Variants in PPP1R3C observed in about 807,000 individuals in gnomAD.
PPP1R3C encodes the protein PP1 subunit R5.
In PPP1R3C, 20 loss-of-function variants were observed where a neutral mutation model predicts 29.3. The observed-to-expected ratio is 0.68, with a 90% CI of 0.48 to 0.99. PPP1R3C has a LOEUF of 0.99. PPP1R3C is among the 50% of genes least tolerant of loss of function. PPP1R3C has a pLI of 0.00. For missense variants in PPP1R3C, 321 were observed against 386.0 expected (o/e 0.83, Z 1.41); for synonymous variants, 123 against 143.1 (o/e 0.86, Z 1.00).
rs1380567467 is a variant in PPP1R3C, at chr10:91,630,188, T to G, written c.693A>C (p.Lys231Asn). ...CATGGTAAGAAATGCAGAACTCAAT[T>G]TTCTGCTCAGTTGGAATGACAGGGG... ...DLPPVIPTEQ[K>N]IEFCISYHAN... Residue 231 changes from lysine to asparagine, a missense_variant, in exon 2 of 2, where the codon AAA becomes AAC. Transcript: ENST00000238994. The surrounding 1 kb of genome is among the most constrained non-coding windows in gnomAD (Gnocchi z 4.4). The G allele has an allele frequency of 6.2e-7, 1 of 1,614,224 alleles. No homozygotes were observed. The highest frequency in any genetic ancestry group is 8.5e-7 in the Non-Finnish European group (1 of 1,180,050).
At chr10:91,631,051 C>G (rs1416725695) in intron 1 of PPP1R3C, among the ~76,000 whole-genome samples, 185 bp from the exon 2 acceptor site, 3 of 152,166 alleles carry the variant, frequency 2.0e-5, no homozygotes, top group African/African-American at 7.2e-5. Context: ...TCTACCTCTA[C>G]CCTTGGCCGG....
In PPP1R3C at chr10:91,629,033, C is replaced by G. The variant is rs544638099; in HGVS notation, c.*894G>C. ...ATGAGGCCAAAAACCCATGAGTTAC[C>G]AGATGACCATTCAGATATTTGGGTT... On this transcript the variant is annotated 3_prime_UTR_variant, in exon 2 of 2. Transcript: ENST00000238994. The G allele has an allele frequency of 3.3e-5, 5 of 152,316 alleles. No homozygotes were observed. The highest frequency in any genetic ancestry group is 3.3e-4 in the Admixed American group (5 of 15,298). The allele number at this position is 152,316 out of a possible 1,614,324, so 9.4% of individuals were successfully genotyped here.
chr10:91,629,890 A>C lies in PPP1R3C; in HGVS notation c.*37T>G, dbSNP rs1452330359. On this transcript the variant is annotated 3_prime_UTR_variant, in exon 2 of 2. Coordinates refer to ENST00000238994, the MANE Select transcript of PPP1R3C (RefSeq NM_005398.7). ...TACAGACCTAGGATTGCATGGGGGA[A>C]TATGACAAGTCAAGACCAGTTACAT... 3 of 1,605,244 alleles carry C rather than the reference A, an allele frequency of 1.9e-6. No homozygotes were observed. The highest frequency in any genetic ancestry group is 1.7e-6 in the Non-Finnish European group (2 of 1,173,016).
rs1848700583 is a variant in PPP1R3C at position 91,630,162 on chromosome 10, G to C, written c.719C>G (p.Ala240Gly). ...QKIEFCISYH[A>G]NGQVFWDNND... The stretch of plus-strand genomic sequence containing the variant: ...GTTGTCCCAAAAGACTTGCCCATTA[G>C]CATGGTAAGAAATGCAGAACTCAAT... Residue 240 changes from alanine to glycine, a missense_variant, in exon 2 of 2, where the codon GCT (alanine) becomes GGT (glycine). By Grantham distance (60) the Ala-to-Gly change is moderately conservative. Coordinates refer to ENST00000238994, the MANE Select transcript of PPP1R3C (RefSeq NM_005398.7). This position sits in a 1 kb window ranked among gnomAD's most constrained non-coding sequence, Gnocchi z 4.4. 6 of 1,614,188 alleles carry C rather than the reference G, an allele frequency of 3.7e-6. No homozygotes were observed. Among genetic ancestry groups the C allele is most frequent in the Non-Finnish European group, 5.1e-6 (6 of 1,180,038 alleles).
Position 91,630,929 on chromosome 10 carries a change from T to C in PPP1R3C, c.15-63A>G, listed in dbSNP as rs1264708670. On this transcript the variant is annotated intron_variant, in intron 1 of 1. Transcript: ENST00000238994. This position sits in a 1 kb window ranked among gnomAD's most constrained non-coding sequence, Gnocchi z 4.4. The stretch of plus-strand genomic sequence containing the variant: ...GGAAATGCTCTTCCCCAGTGCCAAA[T>C]ACATATGTACTATTTTTGTGCTGAC... The C allele has an allele frequency of 2.9e-5, 40 of 1,396,462 alleles. No individual in the cohort carries two copies. Among genetic ancestry groups the C allele is most frequent in the Non-Finnish European group, 3.5e-5 (35 of 996,746 alleles). The allele number at this position is 1,396,462 out of a possible 1,614,324, so 86.5% of individuals were successfully genotyped here. A position where few individuals can be genotyped will look rare whatever the true frequency, so the allele number is the denominator to read the frequency against.
chr10:91,632,837 C>T, intron 1 of PPP1R3C, 119 bp downstream of exon 1: 1 of 1,430,296 alleles, frequency 7.0e-7, no homozygotes, highest in Non-Finnish European at 9.6e-7. Context: ...GCAGTCAGTC[C>T]ACTTGTCCTC....
chr10:91,629,498 A>G lies in PPP1R3C; in HGVS notation c.*429T>C, dbSNP rs575930415. The G allele has an allele frequency of 5.9e-6, 1 of 170,676 alleles. No homozygotes were observed. Among genetic ancestry groups the G allele is most frequent in the East Asian group, 1.6e-4 (1 of 6,218 alleles). 10.6% of individuals were successfully genotyped at this position (170,676 alleles called of 1,614,324 possible). On this transcript the variant is annotated 3_prime_UTR_variant, in exon 2 of 2. Transcript: ENST00000238994. ...ACACAAAATAACCTTACGTTTTTCCACCAACAATGATCAGACCTCCCACTC... is the reference window on the plus strand; with the variant it reads ...ACACAAAATAACCTTACGTTTTTCCGCCAACAATGATCAGACCTCCCACTC...
At position 91,629,860 on chromosome 10, in the gene PPP1R3C, A is replaced by G; in HGVS notation, c.*67T>C. ...GAGTAGCAAAGGCTTCCTAAAATTG[A>G]GCAATACAGACCTAGGATTGCATGG... On this transcript the variant is annotated 3_prime_UTR_variant, in exon 2 of 2. Transcript: ENST00000238994. 1.3e-5 allele frequency: 20 copies of G among 1,534,938 alleles called. No homozygotes were observed. The highest frequency in any genetic ancestry group is 1.7e-5 in the Non-Finnish European group (19 of 1,113,360).
chr10:91,631,143 T>A (rs1168523581), intron 1 of PPP1R3C, among the ~76,000 whole-genome samples: 1 of 152,196 alleles, frequency 6.6e-6, no homozygotes, highest in Non-Finnish European at 1.5e-5. Flanking sequence ...AGGGTTCGAT[T>A]TGATTATCTC....
At chr10:91,631,041 T>C (rs1453454395) in intron 1 of PPP1R3C, among the ~76,000 whole-genome samples, 175 bp from the exon 2 acceptor site, 1 of 152,234 alleles carries the variant, frequency 6.6e-6, no homozygotes, top group Admixed American at 6.5e-5. Flanking sequence ...ATCTTCTATG[T>C]CTACCTCTAC....
rs772887529 is a variant in PPP1R3C, at chr10:91,628,646, C to T, written c.*1281G>A. The T allele has an allele frequency of 3.3e-5, 5 of 152,070 alleles. No individual in the cohort carries two copies. Among genetic ancestry groups the T allele is most frequent in the Non-Finnish European group, 7.4e-5 (5 of 68,022 alleles). The allele number at this position is 152,070 out of a possible 1,614,324, so 9.4% of individuals were successfully genotyped here. A position where few individuals can be genotyped will look rare whatever the true frequency, so the allele number is the denominator to read the frequency against. ...CTTGTAACACCTCTCAATGGTTGTG[C>T]ACAATAATAGAAGCAACATTCTGGG... On this transcript the variant is annotated 3_prime_UTR_variant, in exon 2 of 2. Coordinates refer to ENST00000238994, the MANE Select transcript of PPP1R3C (RefSeq NM_005398.7).
rs1848732881 is a variant in PPP1R3C, at chr10:91,632,972, G to A, written c.-3C>T. Reference sequence around the variant, plus strand: ...CGAACCTACCTGGTGCAGCTCATTAGGCAGAGAGGCGGCGGACCCTAAAAG... The same window carrying A: ...CGAACCTACCTGGTGCAGCTCATTAAGCAGAGAGGCGGCGGACCCTAAAAG... On this transcript the variant is annotated 5_prime_UTR_variant, in exon 1 of 2. Transcript: ENST00000238994. The A allele has an allele frequency of 6.2e-7, 1 of 1,612,692 alleles. No homozygotes were observed. The highest frequency in any genetic ancestry group is 1.3e-5 in the African/African-American group (1 of 75,024).
At chr10:91,632,926 T>C in intron 1 of PPP1R3C, 30 bp downstream of exon 1, 1 of 1,609,016 alleles carries the variant, frequency 6.2e-7, no homozygotes, top group Admixed American at 1.7e-5. Flanking sequence ...TCCCCTGTGT[T>C]CCTAGCGCGC....
chr10:91,629,223 TATAAC>T lies in PPP1R3C; in HGVS notation c.*699_*703del, dbSNP rs1339609727. On this transcript the variant is annotated 3_prime_UTR_variant, in exon 2 of 2. Coordinates refer to ENST00000238994, the MANE Select transcript of PPP1R3C (RefSeq NM_005398.7). The stretch of plus-strand genomic sequence containing the variant: ...CTGACAGTTTGATCACAAAGTCACT[TATAAC>T]ATCAGGACTACAAAGCCAGATTTGC... 3 of 152,450 alleles carry T rather than the reference TATAAC, an allele frequency of 2.0e-5. No individual in the cohort carries two copies. The East Asian group carries it at 5.8e-4, about 29-fold the overall frequency. 9.4% of individuals were successfully genotyped at this position (152,450 alleles called of 1,614,324 possible). A position where few individuals can be genotyped will look rare whatever the true frequency, so the allele number is the denominator to read the frequency against.
rs1848682119 is a variant in PPP1R3C, at chr10:91,628,804, G to A, written c.*1123C>T. 1 of 152,546 alleles carries A rather than the reference G, an allele frequency of 6.6e-6. No individual in the cohort carries two copies. Among genetic ancestry groups the A allele is most frequent in the Non-Finnish European group, 1.5e-5 (1 of 68,046 alleles). 9.4% of individuals were successfully genotyped at this position (152,546 alleles called of 1,614,324 possible). A position where few individuals can be genotyped will look rare whatever the true frequency, so the allele number is the denominator to read the frequency against. On this transcript the variant is annotated 3_prime_UTR_variant, in exon 2 of 2. Coordinates refer to ENST00000238994, the MANE Select transcript of PPP1R3C (RefSeq NM_005398.7). ...AGCAAGATGAAAATAGGCAAGGGAT[G>A]GGTTGCTACTTCTATGTGCAAGGTA...
intron 1 of PPP1R3C, among the ~76,000 whole-genome samples, chr10:91,631,885 G>A (rs113082961): frequency 0.011 from 1,670 of 151,904 alleles, 37 homozygotes; most frequent in African/African-American, 0.038. Flanking sequence ...ATCTATTTTC[G>A]TTTTTGTTCT....
chr10:91,630,412 C>T lies in PPP1R3C; in HGVS notation c.469G>A (p.Val157Ile). ...SFRSHFQKNF[V>I]CLENCSLQER... Reference sequence around the variant, plus strand: ...TGCAACGAGCAGTTCTCCAGACAGACAAAGTTCTTCTGAAAGTGGCTCCGG... The same window carrying T: ...TGCAACGAGCAGTTCTCCAGACAGATAAAGTTCTTCTGAAAGTGGCTCCGG... The change falls in exon 2 of 2, where the codon GTC becomes ATC. Residue 157 changes from valine to isoleucine, a missense_variant. Physicochemically the swap from Val to Ile is conservative, Grantham distance 29. Transcript: ENST00000238994. The surrounding 1 kb of genome is among the most constrained non-coding windows in gnomAD (Gnocchi z 4.4). 2.5e-6 allele frequency: 4 copies of T among 1,614,194 alleles called. No homozygotes were observed. The South Asian group carries it at 3.3e-5, about 13-fold the overall frequency.
rs1848691961 is a variant in PPP1R3C at position 91,629,694 on chromosome 10, T to C, written c.*233A>G. The C allele has an allele frequency of 3.5e-6, 2 of 575,916 alleles. No individual in the cohort carries two copies. Among genetic ancestry groups the C allele is most frequent in the East Asian group, 2.9e-5 (1 of 34,918 alleles). The allele number at this position is 575,916 out of a possible 1,614,324, so 35.7% of individuals were successfully genotyped here. A position where few individuals can be genotyped will look rare whatever the true frequency, so the allele number is the denominator to read the frequency against. ...GGGAACTGAAAAAGTATTACCTTTA[T>C]AAAAATAGTTTTCAACCTGTTACTT... On this transcript the variant is annotated 3_prime_UTR_variant, in exon 2 of 2. Transcript: ENST00000238994.
chr10:91,631,861 T>C (rs1370647883), intron 1 of PPP1R3C, among the ~76,000 whole-genome samples: 1 of 152,194 alleles, frequency 6.6e-6, no homozygotes, highest in Non-Finnish European at 1.5e-5. Flanking sequence ...TTCTGGGTGA[T>C]AGGATTATAG....
Sources: allele counts gnomAD v4.1 joint callset (sites outside exome capture counted in the v4.1 genomes callset), GRCh38; gene constraint gnomAD v4.1.1; non-coding constraint Gnocchi (gnomAD v3.1); transcripts MANE v1.5; gene names NCBI Gene and HGNC (gene_info 2026-07-23, HGNC 2026-07-21).